PTPRD: variants seen among roughly 807,000 people sequenced by gnomAD.
PTPRD encodes the protein receptor-type tyrosine-protein phosphatase delta.
In PTPRD, 34 loss-of-function variants were observed where a neutral mutation model predicts 214.5. The observed-to-expected ratio is 0.16, with a 90% CI of 0.12 to 0.21. PTPRD has a LOEUF of 0.21. Among genes scored for constraint, PTPRD ranks in the 10% least tolerant of loss-of-function variants. The pLI is 1.00. For synonymous variants in PTPRD, 1,128 were observed against 845.7 expected (o/e 1.33, Z -5.79); for missense variants, 2,545 against 2,398.7 (o/e 1.06, Z -1.27).
chr9:8,900,907 A>G (rs973771022), intron 11 of PTPRD, among the ~76,000 whole-genome samples: 3 of 152,240 alleles, frequency 2.0e-5, no homozygotes, highest in Admixed American at 6.5e-5. Context: ...ACAGCTTTAT[A>G]GAATTCCATC....
At chr9:10,218,958 A>T (rs898999549) in intron 3 of PTPRD, among the ~76,000 whole-genome samples, 1 of 151,990 alleles carries the variant, frequency 6.6e-6, no homozygotes, top group East Asian at 1.9e-4. Flanking sequence ...GAGAAAATTA[A>T]AAGTAAGAAG....
chr9:8,791,005 T>C (rs919125248), intron 11 of PTPRD, among the ~76,000 whole-genome samples: 1 of 152,140 alleles, frequency 6.6e-6, no homozygotes, highest in African/African-American at 2.4e-5. Flanking sequence ...AGTGCTGCTA[T>C]AGCCAATAAA....
At chr9:9,390,961 T>C (rs1227292266) in intron 9 of PTPRD, among the ~76,000 whole-genome samples, 1 of 152,166 alleles carries the variant, frequency 6.6e-6, no homozygotes, top group Non-Finnish European at 1.5e-5. Flanking sequence ...TGGTGTTGAT[T>C]GCAAGATGGT....
intron 3 of PTPRD, among the ~76,000 whole-genome samples, chr9:10,219,272 A>C (rs1228767650): frequency 6.6e-6 from 1 of 151,902 alleles, no homozygotes; most frequent in Non-Finnish European, 1.5e-5. Context: ...GAGGTATTTC[A>C]AACCATTTAT....
At chr9:10,310,558 T>G (rs1321719086) in intron 3 of PTPRD, among the ~76,000 whole-genome samples, 4 of 151,732 alleles carry the variant, frequency 2.6e-5, no homozygotes, top group African/African-American at 7.3e-5. Flanking sequence ...GGAAGAAACA[T>G]ATTCACTGAG....
chr9:9,019,313 A>AAAGAAAGAAAGG (rs1569428923), intron 10 of PTPRD, among the ~76,000 whole-genome samples: 24 of 106,372 alleles, frequency 2.3e-4, no homozygotes, highest in African/African-American at 5.9e-4. Flanking sequence ...AGAAAGAAAG[A>AAAGAAAGAAAGG]AAGAAAGAAA....
intron 9 of PTPRD, among the ~76,000 whole-genome samples, chr9:9,197,186 C>T (rs1406899709): frequency 6.6e-6 from 1 of 152,092 alleles, no homozygotes; most frequent in Non-Finnish European, 1.5e-5. Flanking sequence ...GCATCTAATC[C>T]AGAGCAAAGC....
chr9:8,969,012 A>G (rs1426752653), intron 11 of PTPRD, among the ~76,000 whole-genome samples: 1 of 152,072 alleles, frequency 6.6e-6, no homozygotes, highest in Non-Finnish European at 1.5e-5. Flanking sequence ...AGTCCGATTA[A>G]TTAAGAAGAA....
chr9:9,628,633 A>G (rs2095494534), intron 7 of PTPRD, among the ~76,000 whole-genome samples: 1 of 152,044 alleles, frequency 6.6e-6, no homozygotes, highest in African/African-American at 2.4e-5. Context: ...AAAAAATACT[A>G]TTTTCTTTAG....
At chr9:10,463,771 G>C (rs1304201377) in intron 2 of PTPRD, among the ~76,000 whole-genome samples, 1 of 151,590 alleles carries the variant, frequency 6.6e-6, no homozygotes, top group Non-Finnish European at 1.5e-5. Flanking sequence ...TGTGATCCAA[G>C]AAAAAAAGAG....
At chr9:9,960,872 C>A (rs930041476) in intron 4 of PTPRD, among the ~76,000 whole-genome samples, 1 of 152,014 alleles carries the variant, frequency 6.6e-6, no homozygotes, top group Admixed American at 6.6e-5. Context: ...AGTGAACAGG[C>A]AACCTACAGA....
At chr9:9,409,399 C>T (rs1006652038) in intron 8 of PTPRD, among the ~76,000 whole-genome samples, 1 of 151,872 alleles carries the variant, frequency 6.6e-6, no homozygotes, top group Non-Finnish European at 1.5e-5. Context: ...TTGCTTGGGC[C>T]ACTCCTAGTA....
intron 10 of PTPRD, among the ~76,000 whole-genome samples, chr9:9,054,002 G>C (rs1590656457): frequency 6.6e-6 from 1 of 152,098 alleles, no homozygotes; most frequent in Admixed American, 6.6e-5. Flanking sequence ...TGAGAAAGGA[G>C]ACAATTTTTT....
At chr9:9,016,458 A>G (rs185167541) in intron 11 of PTPRD, among the ~76,000 whole-genome samples, 43 of 152,234 alleles carry the variant, frequency 2.8e-4, no homozygotes, top group South Asian at 1.7e-3. Flanking sequence ...TCCTTAGATG[A>G]TTGATTTGAG....
At chr9:9,789,749 A>G (rs1417908559) in intron 5 of PTPRD, among the ~76,000 whole-genome samples, 3 of 131,738 alleles carry the variant, frequency 2.3e-5, no homozygotes, top group Admixed American at 8.5e-5. Flanking sequence ...GTGAGCCGAG[A>G]TTGCGCCACT....
chr9:10,078,600 C>A (rs1428523934), intron 3 of PTPRD, among the ~76,000 whole-genome samples: 1 of 150,602 alleles, frequency 6.6e-6, no homozygotes, highest in African/African-American at 2.4e-5. Flanking sequence ...CATTAAATAT[C>A]CCAATCAGGG....
intron 10 of PTPRD, among the ~76,000 whole-genome samples, chr9:9,051,748 C>G (rs62529460): frequency 1.3e-5 from 2 of 152,128 alleles, no homozygotes; most frequent in Admixed American, 6.6e-5. Flanking sequence ...AAGAGAAAGG[C>G]AAAGGCTTTA....
At chr9:9,277,225 T>C (rs1945990411) in intron 9 of PTPRD, among the ~76,000 whole-genome samples, 2 of 151,438 alleles carry the variant, frequency 1.3e-5, no homozygotes, top group South Asian at 4.1e-4. Flanking sequence ...TTCAAACAGT[T>C]GATTCCCTAT....
intron 7 of PTPRD, among the ~76,000 whole-genome samples, chr9:9,606,477 C>A (rs2094161637): frequency 6.6e-6 from 1 of 151,994 alleles, no homozygotes; most frequent in Non-Finnish European, 1.5e-5. Context: ...TATACTCTTT[C>A]CATTATTAAA....
Sources: gnomAD v4.1 joint callset for allele counts (sites outside exome capture counted in the v4.1 genomes callset) on GRCh38, gnomAD v4.1.1 for gene constraint, MANE v1.5 for transcripts, NCBI Gene and HGNC (gene_info 2026-07-23, HGNC 2026-07-21) for gene names.